Variants in NUDT2 observed in about 807,000 individuals in gnomAD.
NUDT2 encodes the protein bis(5'-nucleosyl)-tetraphosphatase [asymmetrical].
NUDT2 carries 12 observed loss-of-function variants against 14.2 expected under a neutral mutation model. That is an observed-to-expected ratio of 0.84 (90% confidence interval 0.54 to 1.37). NUDT2 has a LOEUF of 1.37. NUDT2 is among the 40% of genes most tolerant of loss of function. The pLI, the probability that NUDT2 is intolerant of heterozygous loss-of-function variation, is 0.00. For missense variants in NUDT2, 167 were observed against 176.7 expected (o/e 0.95, Z 0.31); for synonymous variants, 67 against 67.4 (o/e 0.99, Z 0.03).
At chr9:34,338,915 G>A in intron 3 of NUDT2, 68 bp downstream of exon 3, 1 of 897,252 alleles carries the variant, frequency 1.1e-6, no homozygotes, top group Non-Finnish European at 1.7e-6. Context: ...TGGGCTATGA[G>A]ATCACAGTTA....
intron 1 of NUDT2, among the ~76,000 whole-genome samples, chr9:34,334,432 T>G (rs1838034606): frequency 6.6e-6 from 1 of 152,226 alleles, no homozygotes. Context: ...GCATATTGGA[T>G]GCTGTGTTCC....
chr9:34,334,955 G>A (rs534638706), intron 1 of NUDT2, among the ~76,000 whole-genome samples: 39 of 152,254 alleles, frequency 2.6e-4, no homozygotes, highest in Admixed American at 6.5e-4. Flanking sequence ...GGGTCTGTAC[G>A]CTGTGAAGGA....
At chr9:34,330,405 A>AAAAAC (rs887915111) in intron 1 of NUDT2, among the ~76,000 whole-genome samples, 23 of 152,346 alleles carry the variant, frequency 1.5e-4, no homozygotes, top group African/African-American at 4.3e-4. Context: ...ACTCCGTCTC[A>AAAAAC]AAAACAAAAC....
intron 1 of NUDT2, among the ~76,000 whole-genome samples, chr9:34,330,041 T>G (rs933656279): frequency 3.3e-5 from 5 of 152,242 alleles, no homozygotes; most frequent in Non-Finnish European, 7.3e-5. Context: ...TCGTGGCAGT[T>G]ATAGCAGAAG....
chr9:34,330,530 C>T (rs976039170), intron 1 of NUDT2, among the ~76,000 whole-genome samples: 10 of 151,764 alleles, frequency 6.6e-5, no homozygotes, highest in African/African-American at 2.4e-4. Context: ...AGTCACTTAC[C>T]CAGACATCTC....
At chr9:34,340,666 C>T (rs1482805897) in intron 4 of NUDT2, among the ~76,000 whole-genome samples, 1 of 152,108 alleles carries the variant, frequency 6.6e-6, no homozygotes, top group Non-Finnish European at 1.5e-5. Context: ...GTCATTTGGT[C>T]CTGAAAGAGA....
In NUDT2 at chr9:34,329,823, G is replaced by T. The variant is rs566892871; in HGVS notation, c.-265+224G>T. ...GAGAAGGGAGGTTCCCTGACTCTGA[G>T]CCTTGCTTGTCCCCGTCGGAGTGGG... On this transcript the variant is annotated intron_variant, in intron 1 of 4. Transcript: ENST00000379158. 2.0e-5 allele frequency among the ~76,000 whole-genome samples: 3 copies of T among 151,504 alleles called. No individual in the cohort carries two copies. The South Asian group carries it at 6.3e-4, about 32-fold the overall frequency.
intron 2 of NUDT2, among the ~76,000 whole-genome samples, chr9:34,338,507 CA>C (rs138767351): frequency 1.5e-3 from 177 of 120,450 alleles, no homozygotes; most frequent in Non-Finnish European, 1.7e-3. Context: ...GACCCTGTCT[CA>C]AAAAAAAAAA....
chr9:34,337,297 G>A (rs1198896826), intron 2 of NUDT2, among the ~76,000 whole-genome samples: 1 of 152,172 alleles, frequency 6.6e-6, no homozygotes, highest in Non-Finnish European at 1.5e-5. Context: ...ACTGTGCCCG[G>A]CCCGTTGTGT....
chr9:34,342,688 G>A (rs1233827392), intron 4 of NUDT2, among the ~76,000 whole-genome samples: 1 of 151,936 alleles, frequency 6.6e-6, no homozygotes, highest in Non-Finnish European at 1.5e-5. Context: ...TTAGGATATT[G>A]CCAATCTCCA....
At chr9:34,336,138 A>T (rs893947512) in intron 1 of NUDT2, 91 bp from the exon 2 acceptor site, 9 of 152,190 alleles carry the variant, frequency 5.9e-5, no homozygotes, top group African/African-American at 2.2e-4. Flanking sequence ...CCCTAAGCTT[A>T]TTTAGGGGTT....
chr9:34,340,321 A>G (rs1428518997), intron 4 of NUDT2, among the ~76,000 whole-genome samples: 3 of 152,188 alleles, frequency 2.0e-5, no homozygotes, highest in African/African-American at 7.2e-5. Context: ...AGCATAGAGA[A>G]GTTGGGCTCC....
At chr9:34,333,142 G>A (rs186509770) in intron 1 of NUDT2, among the ~76,000 whole-genome samples, 1 of 152,288 alleles carries the variant, frequency 6.6e-6, no homozygotes, top group East Asian at 1.9e-4. Flanking sequence ...CCAGAAAAGA[G>A]CAGAGGAGGC....
At chr9:34,332,873 A>G (rs899977181) in intron 1 of NUDT2, among the ~76,000 whole-genome samples, 3 of 152,138 alleles carry the variant, frequency 2.0e-5, no homozygotes, top group Non-Finnish European at 4.4e-5. Context: ...TATTGTTCTT[A>G]CAAGAAAGAG....
At chr9:34,330,912 G>A (rs1020716312) in intron 1 of NUDT2, among the ~76,000 whole-genome samples, 9 of 151,916 alleles carry the variant, frequency 5.9e-5, no homozygotes, top group African/African-American at 2.2e-4. Context: ...AGAGAGCAGA[G>A]ATCGCACCAC....
At chr9:34,332,967 A>G (rs931923825) in intron 1 of NUDT2, among the ~76,000 whole-genome samples, 2 of 152,176 alleles carry the variant, frequency 1.3e-5, no homozygotes, top group Admixed American at 1.3e-4. Flanking sequence ...GATGATGATG[A>G]TGTGGGAGGT....
chr9:34,332,501 G>A (rs377138891), intron 1 of NUDT2, among the ~76,000 whole-genome samples: 1 of 152,072 alleles, frequency 6.6e-6, no homozygotes, highest in Admixed American at 6.6e-5. Flanking sequence ...ACTGTCTGTC[G>A]CATGGGATAC....
chr9:34,334,891 A>G (rs1184360249), intron 1 of NUDT2, among the ~76,000 whole-genome samples: 1 of 152,096 alleles, frequency 6.6e-6, no homozygotes, highest in Non-Finnish European at 1.5e-5. Context: ...ATTTCGTGAG[A>G]GATTTGGAAA....
chr9:34,337,848 T>A (rs909431824), intron 2 of NUDT2, among the ~76,000 whole-genome samples: 2 of 151,986 alleles, frequency 1.3e-5, no homozygotes, highest in Non-Finnish European at 2.9e-5. Flanking sequence ...GAGGACCACT[T>A]CTTTTTTTGA....
Sources: allele counts gnomAD v4.1 joint callset (sites outside exome capture counted in the v4.1 genomes callset), GRCh38; gene constraint gnomAD v4.1.1; transcripts MANE v1.5; gene names NCBI Gene and HGNC (gene_info 2026-07-23, HGNC 2026-07-21).